The following PLCB1 variants were observed in gnomAD, a reference collection of about 807,000 sequenced individuals.
PLCB1 encodes 1-phosphatidylinositol 4,5-bisphosphate phosphodiesterase beta-1.
PLCB1 carries 46 observed loss-of-function variants against 161.8 expected under a neutral mutation model. The ratio of observed to expected loss-of-function variants is 0.28; its 90% CI spans 0.22 to 0.36. The LOEUF (loss-of-function observed/expected upper bound fraction) is 0.36, where lower values mean the gene tolerates loss of function less well. PLCB1 is among the 10% of genes least tolerant of loss of function. PLCB1 has a pLI of 1.00. For synonymous variants in PLCB1, 517 were observed against 503.7 expected, an observed-to-expected ratio of 1.03 and a Z score of -0.35; for missense variants, 1,016 against 1,472.5, an observed-to-expected ratio of 0.69 and a Z score of 5.07.
chr20:8,694,977 C>T (rs1398926380), intron 10 of PLCB1, among the ~76,000 whole-genome samples: 1 of 152,154 alleles, frequency 6.6e-6, no homozygotes, highest in African/African-American at 2.4e-5. Context: ...TCCCACTGTC[C>T]CCTTGTCCCT....
intron 9 of PLCB1, among the ~76,000 whole-genome samples, chr20:8,662,627 A>AT (rs1989709437): frequency 6.8e-6 from 1 of 147,622 alleles, no homozygotes; most frequent in Admixed American, 6.9e-5. Flanking sequence ...TTAATATAAT[A>AT]TATAAATATT....
At chr20:8,401,443 T>A (rs930128997) in intron 3 of PLCB1, among the ~76,000 whole-genome samples, 1 of 152,226 alleles carries the variant, frequency 6.6e-6, no homozygotes, top group Admixed American at 6.5e-5. Flanking sequence ...TTTCTTCCAG[T>A]GTTTTTATGA....
intron 2 of PLCB1, among the ~76,000 whole-genome samples, chr20:8,327,485 A>C (rs1368218428): frequency 6.6e-6 from 1 of 152,208 alleles, no homozygotes; most frequent in Non-Finnish European, 1.5e-5. Context: ...GGGAAGTTGG[A>C]AAATGTAGCT....
intron 2 of PLCB1, among the ~76,000 whole-genome samples, chr20:8,153,132 C>T (rs530416995): frequency 1.4e-4 from 22 of 152,144 alleles, no homozygotes; most frequent in African/African-American, 1.4e-4. Flanking sequence ...CTAAAGCTAG[C>T]GAGTCATTTT....
chr20:8,784,452 A>C (rs1983385363), intron 27 of PLCB1, among the ~76,000 whole-genome samples: 1 of 152,008 alleles, frequency 6.6e-6, no homozygotes, highest in Admixed American at 6.6e-5. Context: ...AATCCCAGCT[A>C]TTCGGGAGGC....
intron 3 of PLCB1, among the ~76,000 whole-genome samples, chr20:8,424,410 CTTTTT>C (rs1028390494): frequency 6.6e-6 from 1 of 152,050 alleles, no homozygotes; most frequent in Non-Finnish European, 1.5e-5. Context: ...GACTAAATTA[CTTTTT>C]TTTATTTCTA....
At chr20:8,332,256 A>G (rs1216262139) in intron 2 of PLCB1, among the ~76,000 whole-genome samples, 1 of 152,226 alleles carries the variant, frequency 6.6e-6, no homozygotes. Context: ...TGATTCATCG[A>G]CACTTGCTTT....
intron 4 of PLCB1, among the ~76,000 whole-genome samples, chr20:8,632,477 A>G (rs1382971694): frequency 1.3e-5 from 2 of 152,190 alleles, no homozygotes; most frequent in Non-Finnish European, 2.9e-5. Context: ...CATACATTCT[A>G]GTGTGGGAGA....
At chr20:8,425,094 G>T (rs1381553016) in intron 3 of PLCB1, among the ~76,000 whole-genome samples, 1 of 149,988 alleles carries the variant, frequency 6.7e-6, no homozygotes, top group East Asian at 2.0e-4. Flanking sequence ...CATCTGATTG[G>T]TTGCTTTTTG....
At chr20:8,313,395 G>A (rs1303568599) in intron 2 of PLCB1, among the ~76,000 whole-genome samples, 1 of 151,918 alleles carries the variant, frequency 6.6e-6, no homozygotes, top group Non-Finnish European at 1.5e-5. Context: ...TGTTCTCATG[G>A]TGGTGACAGA....
chr20:8,728,081 C>G (rs554653002), intron 17 of PLCB1, among the ~76,000 whole-genome samples: 20 of 152,194 alleles, frequency 1.3e-4, no homozygotes, highest in Non-Finnish European at 2.5e-4. Flanking sequence ...CAAATGTTGA[C>G]TCCATAAATA....
intron 3 of PLCB1, among the ~76,000 whole-genome samples, chr20:8,528,500 G>A (rs1378653083): frequency 6.6e-6 from 1 of 152,034 alleles, no homozygotes; most frequent in East Asian, 1.9e-4. Context: ...AGTCTGTGGT[G>A]ACAGATATTA....
At chr20:8,466,607 C>T (rs1418948447) in intron 3 of PLCB1, among the ~76,000 whole-genome samples, 1 of 152,094 alleles carries the variant, frequency 6.6e-6, no homozygotes, top group Non-Finnish European at 1.5e-5. Context: ...CAGCTAAATC[C>T]AAAGGCAACA....
At chr20:8,292,040 CAT>C (rs2123303768) in intron 2 of PLCB1, among the ~76,000 whole-genome samples, 1 of 152,162 alleles carries the variant, frequency 6.6e-6, no homozygotes, top group African/African-American at 2.4e-5. Context: ...GAGAAAATGC[CAT>C]AGAGTCCAAA....
In PLCB1 at chr20:8,741,556, G is replaced by C; in HGVS notation, c.2506G>C (p.Glu836Gln). The change falls in exon 23 of 32, where the codon GAA becomes CAA. Residue 836 changes from glutamate (E) to glutamine (Q), a missense_variant. Glu to Gln is a conservative substitution (Grantham distance 29). Around this residue, in one of 10 missense-constraint regions of PLCB1, gnomAD observed 398 missense variants for 445.4 expected, o/e 0.89. Transcript: ENST00000338037. ...GGCTGCTTTGACACTGGAAGATGAA[G>C]AAGAAGTAAAGAAAGAGGTGAGAGG... is the stretch of plus-strand genomic sequence containing the variant. ...QLAALTLEDE[E>Q]EVKKEADPGE... The C allele has an allele frequency of 1.2e-6, 2 of 1,611,158 alleles. No individual in the cohort carries two copies. The highest frequency in any genetic ancestry group is 1.7e-6 in the Non-Finnish European group (2 of 1,177,368).
chr20:8,840,711 T>C (rs1198378929), intron 31 of PLCB1, among the ~76,000 whole-genome samples: 2 of 152,234 alleles, frequency 1.3e-5, no homozygotes, highest in African/African-American at 2.4e-5. Context: ...TATTTGAATT[T>C]GGCAGAGACC....
chr20:8,147,355 T>C (rs967525274), intron 1 of PLCB1, among the ~76,000 whole-genome samples: 1 of 152,214 alleles, frequency 6.6e-6, no homozygotes, highest in African/African-American at 2.4e-5. Context: ...GATTAAAATA[T>C]AGACCATCTG....
chr20:8,492,283 C>T (rs1432449643), intron 3 of PLCB1, among the ~76,000 whole-genome samples: 1 of 152,000 alleles, frequency 6.6e-6, no homozygotes, highest in African/African-American at 2.4e-5. Context: ...GAAAATAGCC[C>T]TTCTGACTTG....
At chr20:8,228,239 C>T (rs1979808484) in intron 2 of PLCB1, among the ~76,000 whole-genome samples, 1 of 151,876 alleles carries the variant, frequency 6.6e-6, no homozygotes, top group Non-Finnish European at 1.5e-5. Context: ...ACAATTTTTA[C>T]CCCAGCAAGA....
Sources: allele counts gnomAD v4.1 joint callset (sites outside exome capture counted in the v4.1 genomes callset), GRCh38; gene constraint gnomAD v4.1.1; regional missense constraint gnomAD v4.1.1; transcripts MANE v1.5; gene names NCBI Gene and HGNC (gene_info 2026-07-23, HGNC 2026-07-21).